NEFH: variants seen among roughly 807,000 people sequenced by gnomAD.
The protein encoded by NEFH is neurofilament heavy polypeptide.
In NEFH, 58 loss-of-function variants were observed where a neutral mutation model predicts 56.6. The ratio of observed to expected loss-of-function variants is 1.03; its 90% CI spans 0.83 to 1.28. NEFH has a LOEUF of 1.28. NEFH is among the 50% of genes most tolerant of loss of function. The pLI is 0.00. For synonymous variants in NEFH, 542 were observed against 545.8 expected, an observed-to-expected ratio of 0.99 and a Z score of 0.10; for missense variants, 1,221 against 1,307.6, an observed-to-expected ratio of 0.93 and a Z score of 1.02.
chr22:29,487,477 A>G (rs1375034541), intron 3 of NEFH, among the ~76,000 whole-genome samples: 1 of 151,760 alleles, frequency 6.6e-6, no homozygotes, highest in Non-Finnish European at 1.5e-5. Context: ...TACAAAAAAA[A>G]AAAAAATAGC....
At position 29,490,695 on chromosome 22, in the gene NEFH, G is replaced by A. The variant is rs1296833015; in HGVS notation, c.3055G>A (p.Gly1019Arg). 6.2e-7 allele frequency: 1 copy of A among 1,614,128 alleles called. No individual in the cohort carries two copies. The highest frequency in any genetic ancestry group is 2.2e-5 in the East Asian group (1 of 44,878). ...GGCCACAGAAGACAAGGCCGCCAAG[G>A]GGAAGTAAGGCAGGGAGAAAGGAAC... ...EKATEDKAAK[G>R]K Residue 1019 changes from glycine (G) to arginine (R), a missense_variant, in exon 4 of 4, where the codon GGG becomes AGG. Around this residue, in one of 4 missense-constraint regions of NEFH, gnomAD observed 301 missense variants for 346.6 expected, o/e 0.87. Coordinates refer to ENST00000310624, the MANE Select transcript of NEFH (RefSeq NM_021076.4).
chr22:29,480,608 C>T lies in NEFH; in HGVS notation c.346C>T (p.Arg116Trp), dbSNP rs868497159. The part of the protein sequence containing the change: ...DRFAGYIDKV[R>W]QLEAHNRSLE... ...CTTCGCCGGGTACATCGACAAGGTG[C>T]GGCAGCTGGAGGCGCACAACCGCAG... is the stretch of plus-strand genomic sequence containing the variant. The change falls in exon 1 of 4, where the codon CGG becomes TGG. Residue 116 changes from arginine (R) to tryptophan (W), a missense_variant. By Grantham distance (101) the Arg-to-Trp change is moderately radical (BLOSUM62 -3). Around this residue, in one of 4 missense-constraint regions of NEFH, gnomAD observed 640 missense variants for 555.5 expected, o/e 1.15. Transcript: ENST00000310624. 1.3e-6 allele frequency: 2 copies of T among 1,563,712 alleles called. No individual in the cohort carries two copies. Among genetic ancestry groups the T allele is most frequent in the Non-Finnish European group, 1.7e-6 (2 of 1,164,090 alleles).
rs1176398662 is a variant in NEFH, at chr22:29,480,776, G to A, written c.514G>A (p.Glu172Lys). ...AARGQLRLEQ[E>K]HLLEDIAHVR... is the part of the protein sequence containing the mutation. Reference sequence around the variant, plus strand: ...GCGCGGTCAGCTACGCCTGGAGCAGGAGCACCTGCTCGAGGACATCGCGCA... The same window carrying A: ...GCGCGGTCAGCTACGCCTGGAGCAGAAGCACCTGCTCGAGGACATCGCGCA... Residue 172 changes from glutamate (E) to lysine (K), a missense_variant, in exon 1 of 4, where the codon GAG (glutamate) becomes AAG (lysine). Around this residue, in one of 4 missense-constraint regions of NEFH, gnomAD observed 640 missense variants for 555.5 expected, o/e 1.15. Coordinates refer to ENST00000310624, the MANE Select transcript of NEFH (RefSeq NM_021076.4). 40 of 1,436,836 alleles carry A rather than the reference G, an allele frequency of 2.8e-5. No homozygotes were observed. The highest frequency in any genetic ancestry group is 3.4e-5 in the Non-Finnish European group (38 of 1,106,582). 89.0% of individuals were successfully genotyped at this position (1,436,836 alleles called of 1,614,324 possible).
chr22:29,482,562 G>A (rs915460860), intron 1 of NEFH, among the ~76,000 whole-genome samples: 1 of 152,252 alleles, frequency 6.6e-6, no homozygotes, highest in African/African-American at 2.4e-5. Flanking sequence ...ACCTTGGACT[G>A]TGCGCAGAAA....
chr22:29,483,290 AAG>A lies in NEFH; in HGVS notation c.884-83_884-82del, dbSNP rs1295712746. 1,470 of 1,310,182 alleles carry A rather than the reference AAG, an allele frequency of 1.1e-3. 2 individuals carry two copies. The highest frequency in any genetic ancestry group is 1.5e-3 in the Admixed American group (70 of 47,778). The allele number at this position is 1,310,182 out of a possible 1,614,324, so 81.2% of individuals were successfully genotyped here. A position where few individuals can be genotyped will look rare whatever the true frequency, so the allele number is the denominator to read the frequency against. On this transcript the variant is annotated intron_variant, in intron 1 of 3. Transcript: ENST00000310624. ...AGAATCCGTCTCAAAAAAAAAAAAA[AAG>A]AAAAAGAACAAAGAAAAAAATCTGG...
In NEFH at chr22:29,481,756, G is replaced by C. The variant is rs141191011; in HGVS notation, c.883+611G>C. ...TTGTTGCCTGTGGCGGAGGTGGCTGGTGGGCCCTTTCATGTTTTAATGTCC... is the reference window on the plus strand; with the variant it reads ...TTGTTGCCTGTGGCGGAGGTGGCTGCTGGGCCCTTTCATGTTTTAATGTCC... On this transcript the variant is annotated intron_variant, in intron 1 of 3. Transcript: ENST00000310624. Among the ~76,000 whole-genome samples the C allele has an allele frequency of 1.8e-4, 27 of 152,276 alleles. No individual in the cohort carries two copies. In the East Asian group the frequency reaches 5.2e-3, roughly 29 times the overall value.
rs139580489 is a variant in NEFH, at chr22:29,489,499, C to T, written c.1859C>T (p.Ser620Phe). 40 of 1,599,048 alleles carry T rather than the reference C, an allele frequency of 2.5e-5. No individual in the cohort carries two copies. In the Admixed American group the frequency reaches 5.8e-4, roughly 23 times the overall value. ...GCAAAGTCACCGGCTGAGGCCAAGT[C>T]CCCAGTGAAGGAAGAAGCAAAATCT... Reference protein sequence around the residue: ...EEAKSPAEAKSPVKEEAKSPA... With the variant: ...EEAKSPAEAKFPVKEEAKSPA... Residue 620 changes from serine to phenylalanine, a missense_variant, in exon 4 of 4, where the codon TCC becomes TTC. Physicochemically the swap from Ser to Phe is radical, Grantham distance 155. Around this residue, in one of 4 missense-constraint regions of NEFH, gnomAD observed 243 missense variants for 299.1 expected, o/e 0.81. Transcript: ENST00000310624.
chr22:29,490,927 T>C lies in NEFH; in HGVS notation c.*224T>C, dbSNP rs2063078119. On this transcript the variant is annotated 3_prime_UTR_variant, in exon 4 of 4. Coordinates refer to ENST00000310624, the MANE Select transcript of NEFH (RefSeq NM_021076.4). ...CAGGCCCTCCCCAGGCGATGGACAATTATGATAGCTTATGTAGCTGAATGT... is the reference window on the plus strand; with the variant it reads ...CAGGCCCTCCCCAGGCGATGGACAACTATGATAGCTTATGTAGCTGAATGT... 2 of 726,014 alleles carry C rather than the reference T, an allele frequency of 2.8e-6. No individual in the cohort carries two copies. The highest frequency in any genetic ancestry group is 4.5e-6 in the Non-Finnish European group (2 of 444,566). 45.0% of individuals were successfully genotyped at this position (726,014 alleles called of 1,614,324 possible). A position where few individuals can be genotyped will look rare whatever the true frequency, so the allele number is the denominator to read the frequency against.
chr22:29,486,121 C>T (rs1012266468), intron 3 of NEFH, among the ~76,000 whole-genome samples: 8 of 152,090 alleles, frequency 5.3e-5, no homozygotes, highest in Non-Finnish European at 8.8e-5. Context: ...TGGGTTCAAG[C>T]GATTCCCATG....
rs1201665965 is a variant in NEFH at position 29,491,033 on chromosome 22, CTA to C, written c.*332_*333del. 1.4e-5 allele frequency: 6 copies of C among 420,544 alleles called. No individual in the cohort carries two copies. Among genetic ancestry groups the C allele is most frequent in the East Asian group, 5.4e-5 (1 of 18,560 alleles). 26.1% of individuals were successfully genotyped at this position (420,544 alleles called of 1,614,324 possible). On this transcript the variant is annotated 3_prime_UTR_variant, in exon 4 of 4. Transcript: ENST00000310624. ...TTCCAAATAAGTGCATTTATTGCCT[CTA>C]TGTGCAACTGACAGATGACCGCAAT... is the stretch of plus-strand genomic sequence containing the variant.
rs568759161 is a variant in NEFH, at chr22:29,490,001, C to T, written c.2361C>T (p.Ser787=). The T allele has an allele frequency of 1.2e-6, 2 of 1,613,456 alleles. No individual in the cohort carries two copies. Among genetic ancestry groups the T allele is most frequent in the Non-Finnish European group, 8.5e-7 (1 of 1,179,864 alleles). The change falls in exon 4 of 4, where the codon AGC becomes AGT. Residue 787 remains serine (S), a synonymous_variant. Coordinates refer to ENST00000310624, the MANE Select transcript of NEFH (RefSeq NM_021076.4). ...PADKFPEKAK[S]PVKEEVKSPE... ...ACAAATTCCCTGAAAAGGCCAAAAG[C>T]CCTGTCAAGGAGGAGGTCAAGTCCC...
At position 29,490,066 on chromosome 22, in the gene NEFH, C is replaced by T. The variant is rs542516035; in HGVS notation, c.2426C>T (p.Ala809Val). Residue 809 changes from alanine (A) to valine (V), a missense_variant, in exon 4 of 4, where the codon GCC becomes GTC. Physicochemically the swap from Ala to Val is moderately conservative, Grantham distance 64. Transcript: ENST00000310624. The part of the protein sequence containing the change: ...AKSPLKEDAK[A>V]PEKEIPKKEE... ...TCTCCCCTGAAGGAGGATGCCAAGG[C>T]CCCTGAGAAGGAGATCCCAAAAAAG... 3.7e-6 allele frequency: 6 copies of T among 1,613,892 alleles called. No homozygotes were observed. Among genetic ancestry groups the T allele is most frequent in the South Asian group, 1.1e-5 (1 of 91,070 alleles).
In NEFH at chr22:29,490,917, C is replaced by G. The variant is rs533220152; in HGVS notation, c.*214C>G. 2.9e-5 allele frequency: 23 copies of G among 805,652 alleles called. No individual in the cohort carries two copies. In the South Asian group the frequency reaches 3.1e-4, roughly 11 times the overall value. 49.9% of individuals were successfully genotyped at this position (805,652 alleles called of 1,614,324 possible). ...CCCCTGCCCCCAGGCCCTCCCCAGG[C>G]GATGGACAATTATGATAGCTTATGT... On this transcript the variant is annotated 3_prime_UTR_variant, in exon 4 of 4. Transcript: ENST00000310624.
At position 29,483,513 on chromosome 22, in the gene NEFH, C is replaced by T. The variant is rs759778175; in HGVS notation, c.1022C>T (p.Ser341Leu). Reference protein sequence around the residue: ...ELEALKSTKDSLERQRSELED... With the variant: ...ELEALKSTKDLLERQRSELED... The stretch of plus-strand genomic sequence containing the variant: ...GAGGCACTGAAAAGCACCAAGGACT[C>T]ACTGGAGAGGCAGCGCTCTGAGCTG... Residue 341 changes from serine to leucine, a missense_variant, in exon 2 of 4, where the codon TCA (serine) becomes TTA (leucine). This residue lies in a region of NEFH where 640 missense variants were observed against 555.5 expected (regional missense o/e 1.15). Transcript: ENST00000310624. 1.2e-6 allele frequency: 2 copies of T among 1,614,032 alleles called. No homozygotes were observed. Among genetic ancestry groups the T allele is most frequent in the Non-Finnish European group, 1.7e-6 (2 of 1,180,038 alleles).
Position 29,490,975 on chromosome 22 carries a change from T to A in NEFH, c.*272T>A. 1 of 561,348 alleles carries A rather than the reference T, an allele frequency of 1.8e-6. No homozygotes were observed. The highest frequency in any genetic ancestry group is 1.9e-5 in the African/African-American group (1 of 53,068). 34.8% of individuals were successfully genotyped at this position (561,348 alleles called of 1,614,324 possible). On this transcript the variant is annotated 3_prime_UTR_variant, in exon 4 of 4. Coordinates refer to ENST00000310624, the MANE Select transcript of NEFH (RefSeq NM_021076.4). ...TGTGATACATGCCGAATGCCACACG[T>A]AAACACTTGACTATAAAAACTGCCC... is the stretch of plus-strand genomic sequence containing the variant.
chr22:29,483,971 TC>T (rs1451654365), intron 2 of NEFH, among the ~76,000 whole-genome samples: 6 of 151,936 alleles, frequency 3.9e-5, no homozygotes, highest in Non-Finnish European at 8.8e-5. Context: ...TGCCTCAGCC[TC>T]CCGAGTAGCG....
Position 29,489,382 on chromosome 22 carries a change from C to G in NEFH, c.1742C>G (p.Pro581Arg), listed in dbSNP as rs745880783. 3 of 1,611,574 alleles carry G rather than the reference C, an allele frequency of 1.9e-6. No homozygotes were observed. The Admixed American group carries it at 5.0e-5, about 27-fold the overall frequency. Residue 581 changes from proline to arginine, a missense_variant, in exon 4 of 4, where the codon CCC becomes CGC. By Grantham distance (103) the Pro-to-Arg change is moderately radical. This residue lies in a region of NEFH where 243 missense variants were observed against 299.1 expected (regional missense o/e 0.81). Transcript: ENST00000310624. ...EAKSPAEVKS[P>R]EKAKSPAKEE... ...AAATCTCCAGCTGAGGTCAAGTCCC[C>G]CGAGAAGGCCAAGTCCCCAGCAAAG...
Position 29,489,699 on chromosome 22 carries a change from G to A in NEFH, c.2059G>A (p.Glu687Lys). Residue 687 changes from glutamate (E) to lysine (K), a missense_variant, in exon 4 of 4, where the codon GAA (glutamate) becomes AAA (lysine). By Grantham distance (56) the Glu-to-Lys change is moderately conservative. This residue lies in a region of NEFH where 37 missense variants were observed against 106.4 expected (regional missense o/e 0.35). Transcript: ENST00000310624. ...GAAGGCCAAGTCCCCAGTGAAGGCAGAAGCAAAGTCCCCTGAGAAGGCCAA... is the reference window on the plus strand; with the variant it reads ...GAAGGCCAAGTCCCCAGTGAAGGCAAAAGCAAAGTCCCCTGAGAAGGCCAA... ...PEKAKSPVKA[E>K]AKSPEKAKSP... The A allele has an allele frequency of 6.2e-7, 1 of 1,608,072 alleles. No homozygotes were observed.
At chr22:29,483,616 T>C (rs2063026078) in intron 2 of NEFH, 42 bp downstream of exon 2, 1 of 1,601,044 alleles carries the variant, frequency 6.2e-7, no homozygotes, top group Non-Finnish European at 8.5e-7. Context: ...CCTTACCTGA[T>C]TGGGTAGCCC....
Sources: gnomAD v4.1 joint callset for allele counts (sites outside exome capture counted in the v4.1 genomes callset) on GRCh38, gnomAD v4.1.1 for gene constraint, gnomAD v4.1.1 regional missense constraint, MANE v1.5 for transcripts, NCBI Gene and HGNC (gene_info 2026-07-23, HGNC 2026-07-21) for gene names.